DCT: variants seen among roughly 807,000 people sequenced by gnomAD.
DCT encodes the protein dopachrome tautomerase, also known as L-dopachrome tautomerase.
In DCT, 47 loss-of-function variants were observed where a neutral mutation model predicts 53.0. The ratio of observed to expected loss-of-function variants is 0.89; its 90% CI spans 0.70 to 1.13. The LOEUF (loss-of-function observed/expected upper bound fraction) is 1.13, where lower values mean the gene tolerates loss of function less well. DCT is among the 50% of genes most tolerant of loss of function. The pLI is 0.00. For missense variants in DCT, 669 were observed against 637.4 expected, an observed-to-expected ratio of 1.05 and a Z score of -0.53; for synonymous variants, 244 against 237.0, an observed-to-expected ratio of 1.03 and a Z score of -0.27.
In DCT at chr13:94,478,262, T is replaced by C. The variant is rs368439958; in HGVS notation, c.295+699A>G. Among the ~76,000 whole-genome samples the C allele has an allele frequency of 8.6e-4, 127 of 147,596 alleles. No homozygotes were observed. The Middle Eastern group carries it at 0.01, about 12-fold the overall frequency. ...AAGCTTTAATGAGAAACATGCACCCTGCTGAGGTCAGGAGTTCGGGACCAG... is the reference window on the plus strand; with the variant it reads ...AAGCTTTAATGAGAAACATGCACCCCGCTGAGGTCAGGAGTTCGGGACCAG... On this transcript the variant is annotated intron_variant, in intron 1 of 7. Transcript: ENST00000377028.
chr13:94,486,634 G>C, the DCT span, among the ~76,000 whole-genome samples: 2 of 152,164 alleles, frequency 1.3e-5, no homozygotes, highest in African/African-American at 4.8e-5. Context: ...GCAGGCTTCA[G>C]TATCCAGGAA....
At chr13:94,491,771 T>C in the DCT span, among the ~76,000 whole-genome samples, 1 of 152,122 alleles carries the variant, frequency 6.6e-6, no homozygotes, top group African/African-American at 2.4e-5. Flanking sequence ...AAGTGCCAAA[T>C]TGGGTGTAGG....
At chr13:94,486,759 G>GC in the DCT span, among the ~76,000 whole-genome samples, 1 of 152,110 alleles carries the variant, frequency 6.6e-6, no homozygotes, top group East Asian at 1.9e-4. Flanking sequence ...CAAATTTGCA[G>GC]CCCCCACATC....
the DCT span, among the ~76,000 whole-genome samples, chr13:94,547,543 G>A: frequency 4.7e-4 from 71 of 152,140 alleles, 1 homozygote; most frequent in East Asian, 5.0e-3. Context: ...CTGCAGACCC[G>A]CATAGATTCA....
chr13:94,488,869 C>CACATATGTACACAT, the DCT span, among the ~76,000 whole-genome samples: 8 of 75,118 alleles, frequency 1.1e-4, no homozygotes, highest in Non-Finnish European at 2.7e-4. Context: ...TACATACACA[C>CACATATGTACACAT]ACATACACAC....
At chr13:94,460,334 T>C in intron 5 of DCT, 108 bp from the exon 6 acceptor site, 3 of 995,592 alleles carry the variant, frequency 3.0e-6, no homozygotes, top group Non-Finnish European at 4.5e-6. Context: ...TGGGTAGGGA[T>C]ATGGGAAGCT....
rs376196399 is a variant in DCT at position 94,460,111 on chromosome 13, C to G, written c.1159G>C (p.Ala387Pro). 1 of 1,613,904 alleles carries G rather than the reference C, an allele frequency of 6.2e-7. No homozygotes were observed. The highest frequency in any genetic ancestry group is 1.1e-5 in the South Asian group (1 of 91,028). Residue 387 changes from alanine (A) to proline (P), a missense_variant, in exon 6 of 8, where the codon GCC becomes CCC. By Grantham distance (27) the Ala-to-Pro change is conservative (BLOSUM62 -1). Transcript: ENST00000377028. ...CATACCACAAAAATGGGATCATTGG[C>G]GGCTGAATGTGGCAAAGCGTTTGTC... ...NGTNALPHSAANDPIFVVLHS... is the reference protein window; with the variant it reads ...NGTNALPHSAPNDPIFVVLHS...
At chr13:94,454,429 T>G (rs927626908) in intron 6 of DCT, among the ~76,000 whole-genome samples, 2 of 152,038 alleles carry the variant, frequency 1.3e-5, no homozygotes, top group Non-Finnish European at 2.9e-5. Context: ...GTTGGTTTCC[T>G]TTTTTTTCTC....
At chr13:94,500,933 T>G in the DCT span, among the ~76,000 whole-genome samples, 2 of 152,356 alleles carry the variant, frequency 1.3e-5, no homozygotes, top group African/African-American at 4.8e-5. Context: ...TTCCAGACTT[T>G]TCTACCACTG....
intron 6 of DCT, among the ~76,000 whole-genome samples, chr13:94,448,493 A>G (rs960778990): frequency 2.6e-5 from 4 of 152,236 alleles, no homozygotes; most frequent in African/African-American, 9.6e-5. Context: ...ATTGCTCTTG[A>G]AAAACTAATT....
At chr13:94,461,580 G>C (rs1883791360) in intron 5 of DCT, among the ~76,000 whole-genome samples, 1 of 152,186 alleles carries the variant, frequency 6.6e-6, no homozygotes, top group Non-Finnish European at 1.5e-5. Flanking sequence ...GATTTGAGTT[G>C]AATTTAGTCT....
At chr13:94,536,291 G>C in the DCT span, among the ~76,000 whole-genome samples, 1 of 152,138 alleles carries the variant, frequency 6.6e-6, no homozygotes, top group Non-Finnish European at 1.5e-5. Flanking sequence ...AATGTTCTGG[G>C]AGCAGCCAGG....
At chr13:94,466,270 A>G (rs968391079) in intron 3 of DCT, among the ~76,000 whole-genome samples, 5 of 151,920 alleles carry the variant, frequency 3.3e-5, no homozygotes, top group Non-Finnish European at 1.5e-5. Flanking sequence ...TGAAAGGTGC[A>G]AAGTTGCAGT....
the DCT span, among the ~76,000 whole-genome samples, chr13:94,499,814 G>A: frequency 6.6e-6 from 1 of 151,972 alleles, no homozygotes; most frequent in African/African-American, 2.4e-5. Flanking sequence ...CATAGGAGAG[G>A]GCTGAACCCC....
chr13:94,534,364 T>G, the DCT span, among the ~76,000 whole-genome samples: 138 of 152,368 alleles, frequency 9.1e-4, no homozygotes, highest in African/African-American at 3.2e-3. Context: ...GGCTGAGCCC[T>G]CATTACAGCT....
At chr13:94,506,546 A>T in the DCT span, among the ~76,000 whole-genome samples, 1 of 152,152 alleles carries the variant, frequency 6.6e-6, no homozygotes, top group Non-Finnish European at 1.5e-5. Context: ...ATAAACACAT[A>T]AAAAAATTAA....
At chr13:94,472,974 A>G (rs1366213229) in intron 1 of DCT, among the ~76,000 whole-genome samples, 1 of 152,170 alleles carries the variant, frequency 6.6e-6, no homozygotes, top group Non-Finnish European at 1.5e-5. Context: ...TGTCTTACAT[A>G]TGACTATACT....
intron 7 of DCT, among the ~76,000 whole-genome samples, chr13:94,440,810 A>T (rs1417967830): frequency 6.7e-6 from 1 of 150,142 alleles, no homozygotes; most frequent in Admixed American, 6.7e-5. Flanking sequence ...CCTCCCGAGT[A>T]GCTGGGATTA....
the DCT span, among the ~76,000 whole-genome samples, chr13:94,518,927 T>A: frequency 6.6e-6 from 1 of 152,334 alleles, no homozygotes; most frequent in South Asian, 2.1e-4. Flanking sequence ...CTTGCTGGCC[T>A]TATCTCAATT....
Sources: gnomAD v4.1 joint callset for allele counts (sites outside exome capture counted in the v4.1 genomes callset) on GRCh38, gnomAD v4.1.1 for gene constraint, MANE v1.5 for transcripts, NCBI Gene and HGNC (gene_info 2026-07-23, HGNC 2026-07-21) for gene names.